Variants in KRTCAP3 observed in about 807,000 individuals in gnomAD.
The protein encoded by KRTCAP3 is keratinocyte associated protein 3.
Under a neutral mutation model 20.5 loss-of-function variants are expected in KRTCAP3, and 18 were observed. The observed-to-expected ratio is 0.88, with a 90% CI of 0.61 to 1.31. The LOEUF (loss-of-function observed/expected upper bound fraction) is 1.31. Among genes scored for constraint, KRTCAP3 ranks in the 50% most tolerant of loss-of-function variants. The pLI is 0.00. For synonymous variants in KRTCAP3, 167 were observed against 133.7 expected (o/e 1.25, Z -1.72); for missense variants, 347 against 310.4 (o/e 1.12, Z -0.89).
chr2:27,445,015 T>G (rs755256585), downstream of KRTCAP3: 3 of 1,613,762 alleles, frequency 1.9e-6, no homozygotes, highest in South Asian at 2.2e-5. The surrounding 1 kb of genome is among the most constrained non-coding windows in gnomAD (Gnocchi z 4.4). Flanking sequence ...CTCTCTAACC[T>G]TGATGGCCAT....
chr2:27,442,874 G>T lies in KRTCAP3; in HGVS notation c.246G>T (p.Ala82=). The T allele has an allele frequency of 6.2e-7, 1 of 1,612,776 alleles. No homozygotes were observed. The change falls in exon 3 of 7, where the codon GCG becomes GCT. Residue 82 remains alanine (A), a synonymous_variant. Coordinates refer to ENST00000288873, the MANE Select transcript of KRTCAP3 (RefSeq NM_173853.4). ...SVSVGLVALL[A]SRNLLRPPLH... Reference sequence around the variant, plus strand: ...CCGTGGGACTTGTGGCCCTCCTGGCGTCCAGGAACCTTCTTCGCCCTCCAC... The same window carrying T: ...CCGTGGGACTTGTGGCCCTCCTGGCTTCCAGGAACCTTCTTCGCCCTCCAC...
chr2:27,446,428 G>C (rs1572712077), downstream of KRTCAP3: 9 of 1,307,872 alleles, frequency 6.9e-6, no homozygotes, highest in African/African-American at 1.5e-5. Flanking sequence ...ATCCTGTAAG[G>C]CAGCCACAGA....
At chr2:27,444,517 G>A, downstream of KRTCAP3, 1 of 1,613,124 alleles carries the variant, frequency 6.2e-7, no homozygotes, top group Non-Finnish European at 8.5e-7. Flanking sequence ...TGGGCTGTGG[G>A]AGGTCTGTGA....
Position 27,442,822 on chromosome 2 carries a change from A to G in KRTCAP3, c.214-20A>G. 6 of 1,611,654 alleles carry G rather than the reference A, an allele frequency of 3.7e-6. No homozygotes were observed. The highest frequency in any genetic ancestry group is 5.1e-6 in the Non-Finnish European group (6 of 1,180,018). On this transcript the variant is annotated intron_variant, in intron 2 of 6. Transcript: ENST00000288873. ...GCTCCCGGAGAGCCCAGCAGGCCAA[A>G]GGCTTTGTGTCTTCCACAGAGCGTT...
In KRTCAP3 at chr2:27,442,953, TG is replaced by T. The variant is rs370582639; in HGVS notation, c.273+57del. 4.4e-6 allele frequency: 7 copies of T among 1,598,240 alleles called. No individual in the cohort carries two copies. The African/African-American group carries it at 5.4e-5, about 12-fold the overall frequency. On this transcript the variant is annotated intron_variant, in intron 3 of 6. Transcript: ENST00000288873. ...AACGAGTAGGCTTGAGTCAGGGAAA[TG>T]GGGGCTGACTGAGCTTGGTCTTTCA... is the stretch of plus-strand genomic sequence containing the variant.
At position 27,442,824 on chromosome 2, in the gene KRTCAP3, G is replaced by T; in HGVS notation, c.214-18G>T. ...TCCCGGAGAGCCCAGCAGGCCAAAG[G>T]CTTTGTGTCTTCCACAGAGCGTTTC... On this transcript the variant is annotated intron_variant, in intron 2 of 6. Coordinates refer to ENST00000288873, the MANE Select transcript of KRTCAP3 (RefSeq NM_173853.4). 6.2e-7 allele frequency: 1 copy of T among 1,611,622 alleles called. No individual in the cohort carries two copies.
downstream of KRTCAP3, chr2:27,444,940 C>T (rs1239308746): frequency 2.0e-6 from 3 of 1,516,362 alleles, no homozygotes; most frequent in Non-Finnish European, 2.7e-6. Context: ...TGAGCCACTG[C>T]ACCCAGACTT....
At chr2:27,445,275 G>C, downstream of KRTCAP3, 1 of 1,600,950 alleles carries the variant, frequency 6.2e-7, no homozygotes, top group Non-Finnish European at 8.5e-7. The surrounding 1 kb of genome is among the most constrained non-coding windows in gnomAD (Gnocchi z 4.4). Flanking sequence ...ACAGGATCTG[G>C]GGTGCTGTAG....
rs769445748 is a variant in KRTCAP3 at position 27,442,381 on chromosome 2, A to G, written c.-32A>G. ...GGTTGGGGCGGGGCCGGGCCCAGGT[A>G]CAGCGGCCCTGCGGCTGGCGCGGCG... is the stretch of plus-strand genomic sequence containing the variant. On this transcript the variant is annotated 5_prime_UTR_variant, in exon 1 of 7. Transcript: ENST00000288873. The G allele has an allele frequency of 6.5e-7, 1 of 1,543,288 alleles. No individual in the cohort carries two copies. Among genetic ancestry groups the G allele is most frequent in the South Asian group, 1.2e-5 (1 of 83,326 alleles).
chr2:27,443,861 G>A (rs1204227137), intron 5 of KRTCAP3, 88 bp from the exon 6 acceptor site: 8 of 809,016 alleles, frequency 9.9e-6, no homozygotes, highest in African/African-American at 1.7e-5. Context: ...GGGCAACAGA[G>A]TGAGGCTCCG....
At chr2:27,445,193 G>A (rs1213727927), downstream of KRTCAP3, 2 of 1,592,298 alleles carry the variant, frequency 1.3e-6, no homozygotes, top group Non-Finnish European at 1.7e-6. This position sits in a 1 kb window ranked among gnomAD's most constrained non-coding sequence, Gnocchi z 4.4. Context: ...AGAAAGCACA[G>A]TCCTGTCTTT....
downstream of KRTCAP3, chr2:27,446,013 G>C: frequency 6.2e-7 from 1 of 1,613,934 alleles, no homozygotes; most frequent in East Asian, 2.2e-5. Flanking sequence ...AGTTGCAAAT[G>C]GGAGTGAACA....
downstream of KRTCAP3, chr2:27,446,135 G>A (rs1323057424): frequency 1.5e-6 from 2 of 1,312,756 alleles, no homozygotes; most frequent in Non-Finnish European, 2.2e-6. Flanking sequence ...GAAGACATAG[G>A]AGGACTACAT....
chr2:27,442,809 C>T (rs1203274048), intron 2 of KRTCAP3, 33 bp from the exon 3 acceptor site: 1 of 1,611,454 alleles, frequency 6.2e-7, no homozygotes, highest in African/African-American at 1.3e-5. Flanking sequence ...TCCCGGAGAG[C>T]CCAGCAGGCC....
rs1664679383 is a variant in KRTCAP3, at chr2:27,442,651, T to C, written c.101T>C (p.Leu34Pro). The C allele has an allele frequency of 3.8e-6, 6 of 1,579,604 alleles. No individual in the cohort carries two copies. Among genetic ancestry groups the C allele is most frequent in the African/African-American group, 2.7e-5 (2 of 73,892 alleles). ...ATCTTGGTGGGCCACGTGAACCTGC[T>C]GCTGGGGGCCGTGCTGCATGGCACC... ...ALILVGHVNL[L>P]LGAVLHGTVL... Residue 34 changes from leucine (L) to proline (P), a missense_variant, in exon 2 of 7, where the codon CTG becomes CCG. Transcript: ENST00000288873.
rs1225069962 is a variant in KRTCAP3 at position 27,443,070 on chromosome 2, C to G, written c.274-4C>G. 6.2e-7 allele frequency: 1 copy of G among 1,612,936 alleles called. No individual in the cohort carries two copies. The highest frequency in any genetic ancestry group is 1.7e-5 in the Admixed American group (1 of 60,022). On this transcript the variant is annotated splice_region_variant and splice_polypyrimidine_tract_variant and intron_variant, in intron 3 of 6. Transcript: ENST00000288873. ...TGCTCACCCTGATCTCCTGTCCCTGCCAGCACTGGGTCCTGCTGGCACTAG... is the reference window on the plus strand; with the variant it reads ...TGCTCACCCTGATCTCCTGTCCCTGGCAGCACTGGGTCCTGCTGGCACTAG...
chr2:27,445,105 C>G (rs1433666682), downstream of KRTCAP3: 2 of 1,613,782 alleles, frequency 1.2e-6, no homozygotes, highest in Admixed American at 3.3e-5. This position sits in a 1 kb window ranked among gnomAD's most constrained non-coding sequence, Gnocchi z 4.4. Context: ...AATGGGGTAT[C>G]CTGTGGAGGA....
Position 27,443,281 on chromosome 2 carries a change from G to T in KRTCAP3, c.480+1G>T, listed in dbSNP as rs1245462726. On this transcript the variant is annotated splice_donor_variant, in intron 4 of 6. Coordinates refer to ENST00000288873, the MANE Select transcript of KRTCAP3 (RefSeq NM_173853.4). LOFTEE classifies it high-confidence loss of function. ...CCCCTTTGACCCCACAAGAATCTAT[G>T]TGAGCACATTCTCTTCCTTCTTGTG... 6.2e-7 allele frequency: 1 copy of T among 1,614,120 alleles called. No homozygotes were observed. Among genetic ancestry groups the T allele is most frequent in the South Asian group, 1.1e-5 (1 of 91,070 alleles).
chr2:27,446,413 C>A, downstream of KRTCAP3: 1 of 1,460,002 alleles, frequency 6.8e-7, no homozygotes, highest in Non-Finnish European at 9.6e-7. Context: ...GCTACCAGAC[C>A]AATGATCCTG....
Sources: gnomAD v4.1 joint callset for allele counts on GRCh38, gnomAD v4.1.1 for gene constraint, Gnocchi (gnomAD v3.1) non-coding constraint, MANE v1.5 for transcripts, NCBI Gene and HGNC (gene_info 2026-07-23, HGNC 2026-07-21) for gene names.